PRKRIP1: variants seen among roughly 807,000 people sequenced by gnomAD.
PRKRIP1 encodes PRKR-interacting protein 1.
In PRKRIP1, 29 loss-of-function variants were observed where a neutral mutation model predicts 29.3. That is an observed-to-expected ratio of 0.99 (90% confidence interval 0.74 to 1.35). PRKRIP1 has a LOEUF of 1.35. Among genes scored for constraint, PRKRIP1 ranks in the 40% most tolerant of loss-of-function variants. The pLI, the probability that PRKRIP1 is intolerant of heterozygous loss-of-function variation, is 0.00. For missense variants in PRKRIP1, 247 were observed against 236.8 expected, an observed-to-expected ratio of 1.04 and a Z score of -0.28; for synonymous variants, 90 against 85.1, an observed-to-expected ratio of 1.06 and a Z score of -0.32.
In PRKRIP1 at chr7:102,425,632, C is replaced by A; in HGVS notation, c.*521C>A. ...ACTCCAGTGGGAAGTGGGGACCACG[C>A]CATAGAGGGTCTGCTCCCACTGCAG... On this transcript the variant is annotated 3_prime_UTR_variant, in exon 6 of 6. Transcript: ENST00000397912. 4.3e-6 allele frequency: 1 copy of A among 230,566 alleles called. No individual in the cohort carries two copies. The highest frequency in any genetic ancestry group is 8.7e-6 in the Non-Finnish European group (1 of 114,954). 14.3% of individuals were successfully genotyped at this position (230,566 alleles called of 1,614,324 possible).
chr7:102,411,119 G>T (rs1554572495), intron 5 of PRKRIP1, among the ~76,000 whole-genome samples: 1 of 151,960 alleles, frequency 6.6e-6, no homozygotes, highest in African/African-American at 2.4e-5. Context: ...TGTAGAGATG[G>T]GGTCTCACTA....
intron 3 of PRKRIP1, among the ~76,000 whole-genome samples, chr7:102,403,524 T>G (rs1796127468): frequency 6.6e-6 from 1 of 152,158 alleles, no homozygotes; most frequent in Non-Finnish European, 1.5e-5. Flanking sequence ...TTTGAGACAG[T>G]CTCCCTCTGC....
At chr7:102,416,705 G>T (rs1796558828) in intron 5 of PRKRIP1, among the ~76,000 whole-genome samples, 2 of 150,358 alleles carry the variant, frequency 1.3e-5, no homozygotes, top group South Asian at 2.1e-4. Context: ...TTGGAGACAG[G>T]GTCTCTCTCT....
intron 5 of PRKRIP1, among the ~76,000 whole-genome samples, chr7:102,419,866 TGTGTGTGTGTG>T (rs1554573554): frequency 3.4e-5 from 5 of 149,232 alleles, no homozygotes; most frequent in African/African-American, 4.9e-5. Context: ...TGTGTGTGTG[TGTGTGTGTGTG>T]TGTGTGTGTG....
At chr7:102,402,966 C>G (rs1377878590) in intron 3 of PRKRIP1, among the ~76,000 whole-genome samples, 3 of 152,010 alleles carry the variant, frequency 2.0e-5, no homozygotes, top group African/African-American at 7.2e-5. Flanking sequence ...CCTCTGCCTC[C>G]TGGGTTCAAG....
At chr7:102,402,301 G>A (rs1554571265) in intron 3 of PRKRIP1, among the ~76,000 whole-genome samples, 1 of 151,352 alleles carries the variant, frequency 6.6e-6, no homozygotes, top group African/African-American at 2.4e-5. Context: ...AGCCAGATGT[G>A]GTGGTAGCCA....
chr7:102,407,791 G>A (rs1796272612), intron 5 of PRKRIP1, among the ~76,000 whole-genome samples: 1 of 152,172 alleles, frequency 6.6e-6, no homozygotes, highest in Non-Finnish European at 1.5e-5. Flanking sequence ...CCTCTGTCCT[G>A]ATGTCCTGTC....
chr7:102,398,003 C>G (rs1020095384), intron 2 of PRKRIP1, among the ~76,000 whole-genome samples: 1 of 151,646 alleles, frequency 6.6e-6, no homozygotes, highest in Non-Finnish European at 1.5e-5. Context: ...GCCGAGATGG[C>G]GCCACTGCAC....
intron 5 of PRKRIP1, among the ~76,000 whole-genome samples, chr7:102,422,861 C>T (rs1465196163): frequency 1.3e-5 from 2 of 152,158 alleles, no homozygotes; most frequent in African/African-American, 4.8e-5. Context: ...CATGTTTAGA[C>T]TTGGGTCACA....
chr7:102,402,168 T>C (rs1047775462), intron 3 of PRKRIP1, among the ~76,000 whole-genome samples: 2 of 152,042 alleles, frequency 1.3e-5, no homozygotes, highest in Non-Finnish European at 2.9e-5. Flanking sequence ...TCAAGCTGGG[T>C]GCGGCAGCTC....
At chr7:102,422,491 A>ACATG (rs1796721563) in intron 5 of PRKRIP1, among the ~76,000 whole-genome samples, 2 of 151,852 alleles carry the variant, frequency 1.3e-5, no homozygotes, top group East Asian at 3.9e-4. Context: ...TTACAGGTGC[A>ACATG]CCACCACGCC....
At chr7:102,411,069 C>T (rs536780636) in intron 5 of PRKRIP1, among the ~76,000 whole-genome samples, 4 of 152,240 alleles carry the variant, frequency 2.6e-5, no homozygotes, top group East Asian at 1.9e-4. Context: ...GCTGGGCCTA[C>T]AGGTGTGTAC....
chr7:102,418,677 G>A (rs1345185787), intron 5 of PRKRIP1, among the ~76,000 whole-genome samples: 2 of 152,024 alleles, frequency 1.3e-5, no homozygotes, highest in Non-Finnish European at 2.9e-5. Flanking sequence ...CCATCCACTA[G>A]CCATTTGCTT....
chr7:102,408,902 G>A (rs1563617095), intron 5 of PRKRIP1, among the ~76,000 whole-genome samples: 1 of 152,110 alleles, frequency 6.6e-6, no homozygotes, highest in African/African-American at 2.4e-5. Flanking sequence ...GGCCAGGCGT[G>A]GTGGCTCATG....
chr7:102,398,301 T>C (rs1370759621), intron 2 of PRKRIP1, among the ~76,000 whole-genome samples: 1 of 152,046 alleles, frequency 6.6e-6, no homozygotes, highest in Non-Finnish European at 1.5e-5. Flanking sequence ...GTTTTTCTTT[T>C]GGAGACAGAG....
intron 1 of PRKRIP1, 102 bp from the exon 2 acceptor site, chr7:102,397,518 C>T: frequency 1.1e-6 from 1 of 932,212 alleles, no homozygotes; most frequent in Admixed American, 2.0e-5. Context: ...TGCACTCCAG[C>T]CTGAGGAACA....
chr7:102,418,550 T>C (rs1313620588), intron 5 of PRKRIP1, among the ~76,000 whole-genome samples: 2 of 152,154 alleles, frequency 1.3e-5, no homozygotes, highest in Non-Finnish European at 2.9e-5. Flanking sequence ...CATATTACAC[T>C]AACATGAGTT....
intron 2 of PRKRIP1, 70 bp downstream of exon 2, chr7:102,397,768 G>C (rs547946906): frequency 6.8e-7 from 1 of 1,461,068 alleles, no homozygotes; most frequent in Non-Finnish European, 9.5e-7. Flanking sequence ...GCTATAGGCT[G>C]GGCGTGGTGG....
chr7:102,422,309 G>A (rs575626093), intron 5 of PRKRIP1, among the ~76,000 whole-genome samples: 56 of 151,578 alleles, frequency 3.7e-4, no homozygotes, highest in Admixed American at 7.9e-4. Context: ...CAATTAGCTG[G>A]ATGACAGGCG....
Sources: gnomAD v4.1 joint callset for allele counts (sites outside exome capture counted in the v4.1 genomes callset) on GRCh38, gnomAD v4.1.1 for gene constraint, MANE v1.5 for transcripts, NCBI Gene and HGNC (gene_info 2026-07-23, HGNC 2026-07-21) for gene names.